Variants in TRIOBP observed in about 807,000 individuals in gnomAD.
TRIOBP encodes TRIO and F-actin-binding protein.
A neutral mutation model predicts 238.8 loss-of-function variants in TRIOBP; 169 were observed. That is an observed-to-expected ratio of 0.71 (90% confidence interval 0.62 to 0.80). The LOEUF is 0.80. Ranked by LOEUF, TRIOBP falls within the 30% of genes least tolerant of loss-of-function variation. TRIOBP has a pLI of 0.00. For missense variants in TRIOBP, 2,838 were observed against 3,122.6 expected (o/e 0.91, Z 2.17); for synonymous variants, 1,150 against 1,274.4 (o/e 0.90, Z 2.08).
At position 37,757,639 on chromosome 22, in the gene TRIOBP, C is replaced by T. The variant is rs760780470; in HGVS notation, c.5714C>T (p.Ala1905Val). 5.7e-5 allele frequency: 90 copies of T among 1,589,352 alleles called. No individual in the cohort carries two copies. In the Middle Eastern group the frequency reaches 6.6e-4, roughly 12 times the overall value. ...CTCTCGGACTCTAACAAGGAGAACGCGCTGCACAGCTACAGCACCCAGAAG... is the reference window on the plus strand; with the variant it reads ...CTCTCGGACTCTAACAAGGAGAACGTGCTGCACAGCTACAGCACCCAGAAG... ...TKLSDSNKEN[A>V]LHSYSTQKGP... Residue 1905 changes from alanine to valine, a missense_variant, in exon 16 of 24, where the codon GCG becomes GTG. Transcript: ENST00000644935.
chr22:37,758,221 T>G, intron 16 of TRIOBP, 83 bp downstream of exon 16: 2 of 1,549,498 alleles, frequency 1.3e-6, no homozygotes, highest in Non-Finnish European at 1.8e-6. Context: ...GCATTTGTCT[T>G]GCACTCCTAC....
chr22:37,759,840 ACTCT>A, intron 17 of TRIOBP: 1 of 1,170,190 alleles, frequency 8.5e-7, no homozygotes, highest in Non-Finnish European at 1.1e-6. Context: ...GGACAAACTA[ACTCT>A]CTAGAAAAAA....
intron 2 of TRIOBP, among the ~76,000 whole-genome samples, chr22:37,700,999 T>C (rs1230416282): frequency 6.6e-6 from 1 of 152,224 alleles, no homozygotes; most frequent in Non-Finnish European, 1.5e-5. Flanking sequence ...GCCTGGTATC[T>C]GCATTTTTAT....
chr22:37,749,783 CAAAAAA>C (rs893218020), intron 11 of TRIOBP, among the ~76,000 whole-genome samples: 4 of 60,272 alleles, frequency 6.6e-5, no homozygotes, highest in East Asian at 6.0e-4. Flanking sequence ...CCCATCTCTA[CAAAAAA>C]AAAAAAAAAA....
intron 9 of TRIOBP, among the ~76,000 whole-genome samples, chr22:37,736,262 C>G (rs1241400214): frequency 6.6e-6 from 1 of 152,150 alleles, no homozygotes; most frequent in Non-Finnish European, 1.5e-5. Flanking sequence ...ATTGGGAGGA[C>G]GGCATGTGGT....
chr22:37,766,412 T>G (rs912826724), intron 18 of TRIOBP, among the ~76,000 whole-genome samples: 3 of 152,250 alleles, frequency 2.0e-5, no homozygotes, highest in African/African-American at 7.2e-5. Context: ...GATCTGAAGC[T>G]CACAACCTGC....
intron 17 of TRIOBP, chr22:37,759,746 G>A: frequency 7.0e-7 from 1 of 1,433,088 alleles, no homozygotes. Flanking sequence ...CGTCCGCCTA[G>A]GACAGCGGTT....
intron 7 of TRIOBP, among the ~76,000 whole-genome samples, chr22:37,727,464 C>T (rs1159478482): frequency 6.6e-6 from 1 of 151,650 alleles, no homozygotes; most frequent in Non-Finnish European, 1.5e-5. Context: ...GTCAGGAGAT[C>T]GACAGCAGCC....
At chr22:37,754,152 G>A (rs1337752961) in intron 12 of TRIOBP, among the ~76,000 whole-genome samples, 2 of 152,172 alleles carry the variant, frequency 1.3e-5, no homozygotes, top group Non-Finnish European at 2.9e-5. Flanking sequence ...GCTCACGCCT[G>A]TAATCCCAGC....
intron 18 of TRIOBP, among the ~76,000 whole-genome samples, chr22:37,766,787 C>G (rs968745178): frequency 6.6e-6 from 1 of 151,340 alleles, no homozygotes; most frequent in African/African-American, 2.4e-5. Flanking sequence ...ATGGTGAAAC[C>G]CCATCTCTAC....
chr22:37,767,503 A>G (rs989718900), intron 18 of TRIOBP, among the ~76,000 whole-genome samples: 2 of 152,170 alleles, frequency 1.3e-5, no homozygotes, highest in Admixed American at 1.3e-4. Context: ...GCTTTGTTCT[A>G]AATTCTTCAC....
chr22:37,710,430 C>G lies in TRIOBP; in HGVS notation c.118C>G (p.Leu40Val), dbSNP rs1555894553. The G allele has an allele frequency of 6.2e-7, 1 of 1,613,384 alleles. No homozygotes were observed. The highest frequency in any genetic ancestry group is 1.3e-5 in the African/African-American group (1 of 74,932). The change falls in exon 4 of 24, where the codon CTC (leucine) becomes GTC (valine). Residue 40 changes from leucine to valine, a missense_variant. Physicochemically the swap from Leu to Val is conservative, Grantham distance 32. This residue lies in a region of TRIOBP where 535 missense variants were observed against 537.3 expected (regional missense o/e 1.00). Coordinates refer to ENST00000644935, the MANE Select transcript of TRIOBP (RefSeq NM_001039141.3). The part of the protein sequence containing the change: ...EEAHGARYQE[L>V]RSPSGAEVPY... ...CCTCTCTCCAACCCTGGCCCAGGAG[C>G]TCAGGAGCCCTTCAGGTGCTGAGGT...
chr22:37,709,314 T>C (rs1435802505), intron 3 of TRIOBP, among the ~76,000 whole-genome samples: 1 of 152,170 alleles, frequency 6.6e-6, no homozygotes, highest in Non-Finnish European at 1.5e-5. Context: ...CTCTTGCCCC[T>C]CCCGGCTCTC....
chr22:37,760,857 AGCTACTTGGG>A (rs1926205153), intron 17 of TRIOBP, among the ~76,000 whole-genome samples: 1 of 151,996 alleles, frequency 6.6e-6, no homozygotes, highest in South Asian at 2.1e-4. Flanking sequence ...CTGTAGTCCC[AGCTACTTGGG>A]AGGCTGAGGC....
chr22:37,772,740 T>C lies in TRIOBP; in HGVS notation c.7076T>C (p.Met2359Thr), dbSNP rs868398935. 20 of 1,613,732 alleles carry C rather than the reference T, an allele frequency of 1.2e-5. No individual in the cohort carries two copies. In the Middle Eastern group the frequency reaches 1.2e-3, roughly 93 times the overall value. The change falls in exon 23 of 24, where the codon ATG becomes ACG. Residue 2359 changes from methionine (M) to threonine (T), a missense_variant. Around this residue, in one of 5 missense-constraint regions of TRIOBP, gnomAD observed 2,096 missense variants for 2,137.4 expected, o/e 0.98. Coordinates refer to ENST00000644935, the MANE Select transcript of TRIOBP (RefSeq NM_001039141.3). The part of the protein sequence containing the change: ...AMAALQEKES[M>T]RNSLAE ...GCCGCCCTCCAGGAGAAGGAGTCGA[T>C]GCGCAACAGCCTGGCTGAGTAGAGG...
At chr22:37,754,173 G>A (rs1403097923) in intron 12 of TRIOBP, among the ~76,000 whole-genome samples, 3 of 152,156 alleles carry the variant, frequency 2.0e-5, no homozygotes, top group African/African-American at 7.2e-5. Context: ...ACTTTGGGAG[G>A]CCAAGGCAGG....
At chr22:37,768,269 C>A in intron 19 of TRIOBP, 93 bp downstream of exon 19, 2 of 1,076,308 alleles carry the variant, frequency 1.9e-6, no homozygotes, top group Non-Finnish European at 1.4e-6. Flanking sequence ...ATCAGTTTGC[C>A]CCTAGCTGAG....
Position 37,735,072 on chromosome 22 carries a change from G to T in TRIOBP, c.4736G>T (p.Ser1579Ile), listed in dbSNP as rs750557612. 2 of 1,606,824 alleles carry T rather than the reference G, an allele frequency of 1.2e-6. No individual in the cohort carries two copies. Among genetic ancestry groups the T allele is most frequent in the Non-Finnish European group, 8.5e-7 (1 of 1,175,102 alleles). The part of the protein sequence containing the change: ...PGEGVWARVP[S>I]LDWEGLLELL... ...GAGGGGGTCTGGGCCCGTGTCCCCA[G>T]CCTGGACTGGGAGGGCCTCTTGGAG... The change falls in exon 9 of 24, where the codon AGC (serine) becomes ATC (isoleucine). Residue 1579 changes from serine to isoleucine, a missense_variant. Physicochemically the swap from Ser to Ile is moderately radical, Grantham distance 142. Coordinates refer to ENST00000644935, the MANE Select transcript of TRIOBP (RefSeq NM_001039141.3).
chr22:37,743,680 C>T (rs1006272155), intron 11 of TRIOBP, among the ~76,000 whole-genome samples: 6 of 152,170 alleles, frequency 3.9e-5, no homozygotes, highest in South Asian at 2.1e-4. Flanking sequence ...GTAGGGAGCA[C>T]TGGGCCAGCA....
Sources: allele counts gnomAD v4.1 joint callset (sites outside exome capture counted in the v4.1 genomes callset), GRCh38; gene constraint gnomAD v4.1.1; regional missense constraint gnomAD v4.1.1; transcripts MANE v1.5; gene names NCBI Gene and HGNC (gene_info 2026-07-23, HGNC 2026-07-21).